The following ART3 variants were observed in gnomAD, a reference collection of about 807,000 sequenced individuals.
The protein encoded by ART3 is ADP-ribosyltransferase 3 (inactive), also known as ecto-ADP-ribosyltransferase 3.
A neutral mutation model predicts 48.5 loss-of-function variants in ART3; 49 were observed. That is an observed-to-expected ratio of 1.01 (90% confidence interval 0.80 to 1.28). The LOEUF is 1.28. Among genes scored for constraint, ART3 ranks in the 50% most tolerant of loss-of-function variants. The probability of loss-of-function intolerance (pLI) is 0.00; values close to 1 mark genes in which losing one functional copy is unlikely to be tolerated. For synonymous variants in ART3, 145 were observed against 157.2 expected (o/e 0.92, Z 0.58); for missense variants, 438 against 454.3 (o/e 0.96, Z 0.33).
intron 11 of ART3, among the ~76,000 whole-genome samples, chr4:76,110,110 AT>A (rs5859493): frequency 0.33 from 49,825 of 151,116 alleles, 9,892 homozygotes; most frequent in African/African-American, 0.54. Context: ...AAAAACATTT[AT>A]TTTTTTTTTA....
Position 76,062,559 on chromosome 4 carries a change from C to CTTTTTT in ART3, c.-9-13308_-9-13303dup, listed in dbSNP as rs34383642. On this transcript the variant is annotated intron_variant, in intron 1 of 9. Transcript: ENST00000341029. The stretch of plus-strand genomic sequence containing the variant: ...ATCCTTATGTGAAAGAAAAATAAAT[C>CTTTTTT]TTTTTTTTTTTTTTTTTTTGAGACA... 8.1e-4 allele frequency among the ~76,000 whole-genome samples: 91 copies of CTTTTTT among 113,036 alleles called. 2 individuals carry two copies. The highest frequency in any genetic ancestry group is 1.9e-3 in the African/African-American group (56 of 28,804). The allele number at this position is 113,036 out of a possible 152,430, so 74.2% of individuals were successfully genotyped here. A position where few individuals can be genotyped will look rare whatever the true frequency, so the allele number is the denominator to read the frequency against.
chr4:76,101,579 C>T (rs1042619241), intron 8 of ART3, among the ~76,000 whole-genome samples: 1 of 152,014 alleles, frequency 6.6e-6, no homozygotes, highest in Non-Finnish European at 1.5e-5. Flanking sequence ...TAGTGAAACC[C>T]CATCTCCACT....
chr4:76,112,494 C>A lies in ART3; in HGVS notation c.1145C>A (p.Ala382Asp), dbSNP rs780283755. Residue 382 changes from alanine (A) to aspartate (D), a missense_variant, in exon 12 of 12, where the codon GCT becomes GAT. This residue lies in a region of ART3 where 227 missense variants were observed against 229.6 expected (regional missense o/e 0.99). Transcript: ENST00000355810. ...GMVIILISVS[A>D]INLFVAL ...GTCATCATTTTAATCAGTGTTTCTG[C>A]TATAAATCTCTTTGTTGCTCTGTAG... 51 of 1,613,728 alleles carry A rather than the reference C, an allele frequency of 3.2e-5. No homozygotes were observed. The South Asian group carries it at 4.1e-4, about 13-fold the overall frequency.
chr4:76,042,764 A>G (rs891907604), intron 1 of ART3, among the ~76,000 whole-genome samples: 1 of 152,126 alleles, frequency 6.6e-6, no homozygotes, highest in Non-Finnish European at 1.5e-5. Context: ...GTGGACCCAA[A>G]GAGTGAGCAG....
rs1013795319 is a variant in ART3, at chr4:76,075,912, T to C, written c.23T>C (p.Ile8Thr). Residue 8 changes from isoleucine (I) to threonine (T), a missense_variant, in exon 2 of 12, where the codon ATA becomes ACA. Transcript: ENST00000355810. ...AAAATGAAGACGGGACATTTTGAAA[T>C]AGTCACCATGCTGCTGGCAACCATG... Reference protein sequence around the residue: MKTGHFEIVTMLLATMIL... With the variant: MKTGHFETVTMLLATMIL... 1.9e-6 allele frequency: 3 copies of C among 1,613,052 alleles called. No homozygotes were observed. The highest frequency in any genetic ancestry group is 1.7e-6 in the Non-Finnish European group (2 of 1,179,566).
chr4:76,014,213 A>G (rs1732057560), intron 1 of ART3, among the ~76,000 whole-genome samples: 1 of 152,164 alleles, frequency 6.6e-6, no homozygotes, highest in African/African-American at 2.4e-5. Flanking sequence ...GTCCCTGAGG[A>G]AGCACAGTCT....
intron 1 of ART3, among the ~76,000 whole-genome samples, chr4:76,015,578 T>C (rs550921926): frequency 1.3e-5 from 2 of 152,308 alleles, no homozygotes; most frequent in South Asian, 4.1e-4. Context: ...CAGTAATAAC[T>C]TTAAATGTAA....
chr4:76,072,306 T>C (rs564307135), upstream of ART3, among the ~76,000 whole-genome samples: 3 of 152,228 alleles, frequency 2.0e-5, no homozygotes, highest in Non-Finnish European at 4.4e-5. Context: ...ATGCTTTTCC[T>C]TATCGTATCA....
intron 4 of ART3, among the ~76,000 whole-genome samples, chr4:76,098,219 C>CT (rs1726455897): frequency 6.8e-6 from 1 of 147,214 alleles, no homozygotes; most frequent in Non-Finnish European, 1.5e-5. Flanking sequence ...AAAAAAAAAT[C>CT]TTTCTTAGAG....
intron 1 of ART3, among the ~76,000 whole-genome samples, chr4:76,053,903 G>C (rs1443347306): frequency 6.6e-6 from 1 of 152,210 alleles, no homozygotes; most frequent in Non-Finnish European, 1.5e-5. Flanking sequence ...CTCTGTGCAT[G>C]GCCTTTAGTT....
At chr4:76,072,816 A>G (rs543941201), upstream of ART3, among the ~76,000 whole-genome samples, 2 of 152,056 alleles carry the variant, frequency 1.3e-5, no homozygotes, top group East Asian at 3.9e-4. Flanking sequence ...CTATTCCTCA[A>G]ACAAAAGTAG....
intron 3 of ART3, among the ~76,000 whole-genome samples, chr4:76,084,461 C>T (rs1299661519): frequency 6.6e-6 from 1 of 152,108 alleles, no homozygotes; most frequent in Non-Finnish European, 1.5e-5. Flanking sequence ...TGAAGATATT[C>T]CTCCAGTGAC....
upstream of ART3, among the ~76,000 whole-genome samples, chr4:76,074,215 G>C (rs926266354): frequency 6.6e-5 from 10 of 152,098 alleles, no homozygotes; most frequent in African/African-American, 1.9e-4. Context: ...TTAACATGTT[G>C]TATTTTGGTT....
chr4:76,082,930 A>G (rs1722791215), intron 3 of ART3, among the ~76,000 whole-genome samples: 1 of 149,106 alleles, frequency 6.7e-6, no homozygotes, highest in East Asian at 2.0e-4. Context: ...TATATGGCCC[A>G]AAATGTTGGT....
At chr4:76,021,739 G>A in intron 1 of ART3, 7 of 651,390 alleles carry the variant, frequency 1.1e-5, no homozygotes, top group South Asian at 9.2e-5. Context: ...AGCTTAGGAT[G>A]ATGAACATTA....
At chr4:76,023,191 A>C (rs986701127) in intron 1 of ART3, among the ~76,000 whole-genome samples, 1 of 150,682 alleles carries the variant, frequency 6.6e-6, no homozygotes, top group East Asian at 1.9e-4. Flanking sequence ...CTCTTATTCT[A>C]TTTGTTTCTC....
intron 1 of ART3, among the ~76,000 whole-genome samples, chr4:76,052,400 C>T (rs1450351794): frequency 3.3e-5 from 5 of 152,210 alleles, no homozygotes; most frequent in African/African-American, 1.2e-4. Flanking sequence ...ACTACCGTAT[C>T]ACCATACGGA....
chr4:76,097,603 A>C, intron 3 of ART3, 41 bp from the exon 4 acceptor site: 1 of 1,505,896 alleles, frequency 6.6e-7, no homozygotes, highest in African/African-American at 1.4e-5. Context: ...TTACTAGGGT[A>C]TATTATGTCT....
intron 1 of ART3, among the ~76,000 whole-genome samples, chr4:76,018,153 C>T (rs1732431589): frequency 6.6e-6 from 1 of 152,200 alleles, no homozygotes; most frequent in Admixed American, 6.5e-5. Context: ...ACATGTATGT[C>T]ATCACAGCCC....
Sources: allele counts gnomAD v4.1 joint callset (sites outside exome capture counted in the v4.1 genomes callset), GRCh38; gene constraint gnomAD v4.1.1; regional missense constraint gnomAD v4.1.1; transcripts MANE v1.5; gene names NCBI Gene and HGNC (gene_info 2026-07-23, HGNC 2026-07-21).